Variants in ASCC2 observed in about 807,000 individuals in gnomAD.
ASCC2 encodes the protein activating signal cointegrator 1 complex subunit 2, also known as ASC-1 complex subunit P100.
ASCC2 carries 42 observed loss-of-function variants against 93.5 expected under a neutral mutation model. The observed-to-expected ratio is 0.45, with a 90% CI of 0.35 to 0.58. ASCC2 has a LOEUF of 0.58. Among genes scored for constraint, ASCC2 ranks in the 20% least tolerant of loss-of-function variants. The pLI, the probability that ASCC2 is intolerant of heterozygous loss-of-function variation, is 0.00. For synonymous variants in ASCC2, 364 were observed against 384.2 expected, an observed-to-expected ratio of 0.95 and a Z score of 0.62; for missense variants, 859 against 977.6, an observed-to-expected ratio of 0.88 and a Z score of 1.62.
chr22:29,824,260 A>G (rs2061995611), intron 4 of ASCC2, among the ~76,000 whole-genome samples: 1 of 123,246 alleles, frequency 8.1e-6, no homozygotes, highest in South Asian at 2.2e-4. Context: ...ATACACACAC[A>G]CACACACACA....
chr22:29,804,969 C>A, intron 12 of ASCC2, 139 bp from the exon 13 acceptor site: 1 of 855,310 alleles, frequency 1.2e-6, no homozygotes, highest in South Asian at 1.7e-5. Flanking sequence ...AGCCCACGGG[C>A]ACCTGGGCTG....
At chr22:29,797,619 A>T (rs2058593079) in intron 15 of ASCC2, among the ~76,000 whole-genome samples, 1 of 152,214 alleles carries the variant, frequency 6.6e-6, no homozygotes, top group African/African-American at 2.4e-5. Flanking sequence ...TGTGAGAAAG[A>T]AATGACATGT....
chr22:29,817,322 A>T (rs867650614), intron 5 of ASCC2, among the ~76,000 whole-genome samples: 1 of 151,886 alleles, frequency 6.6e-6, no homozygotes, highest in African/African-American at 2.4e-5. Flanking sequence ...CCTAAAAAAA[A>T]CCCTCAAGAT....
intron 15 of ASCC2, among the ~76,000 whole-genome samples, chr22:29,795,906 T>C (rs1253155465): frequency 4.0e-5 from 6 of 151,714 alleles, no homozygotes; most frequent in Non-Finnish European, 7.4e-5. Flanking sequence ...GTCTCTGGAA[T>C]GTATCAAGGG....
intron 8 of ASCC2, among the ~76,000 whole-genome samples, 187 bp downstream of exon 8, chr22:29,813,243 T>G (rs1166907360): frequency 2.0e-5 from 3 of 151,568 alleles, no homozygotes; most frequent in Non-Finnish European, 2.9e-5. Context: ...AAAACAGGAG[T>G]GCTTCTAAAA....
At chr22:29,791,525 C>T (rs890791985) in intron 18 of ASCC2, among the ~76,000 whole-genome samples, 10 of 151,752 alleles carry the variant, frequency 6.6e-5, no homozygotes, top group Admixed American at 2.6e-4. Context: ...ACTGAAAATA[C>T]AAAAAATTAG....
At chr22:29,804,090 C>T (rs755574119) in intron 13 of ASCC2, among the ~76,000 whole-genome samples, 1 of 152,372 alleles carries the variant, frequency 6.6e-6, no homozygotes, top group South Asian at 2.1e-4. Context: ...GTCTTCATCT[C>T]TCTTATCATG....
intron 1 of ASCC2, chr22:29,834,459 G>C: frequency 2.1e-6 from 1 of 470,410 alleles, no homozygotes; most frequent in Non-Finnish European, 4.4e-6. Flanking sequence ...GGAGTAATAA[G>C]AGAGGACCAG....
At chr22:29,814,628 A>G (rs373021329) in intron 7 of ASCC2, 29 bp downstream of exon 7, 1 of 1,559,072 alleles carries the variant, frequency 6.4e-7, no homozygotes, top group Non-Finnish European at 8.7e-7. Flanking sequence ...ACCCGGCAGG[A>G]AAGAGACTGG....
chr22:29,824,240 T>A (rs1031989989), intron 4 of ASCC2, among the ~76,000 whole-genome samples: 2 of 123,366 alleles, frequency 1.6e-5, no homozygotes, highest in African/African-American at 3.1e-5. Flanking sequence ...AAAAAGATCC[T>A]ATTTTTTAAA....
intron 4 of ASCC2, among the ~76,000 whole-genome samples, chr22:29,823,927 G>C (rs1473313951): frequency 6.6e-6 from 1 of 151,596 alleles, no homozygotes; most frequent in African/African-American, 2.4e-5. Flanking sequence ...GTGGTGGCTA[G>C]TGCCTATAAT....
In ASCC2 at chr22:29,788,828, G is replaced by A; in HGVS notation, c.*185C>T. On this transcript the variant is annotated 3_prime_UTR_variant, in exon 20 of 20. Transcript: ENST00000307790. ...CTTCGGCTGTGGCATAAGGCACTGT[G>A]TGTTCTGCAGGAAGGCGCTCATGGC... 2 of 672,132 alleles carry A rather than the reference G, an allele frequency of 3.0e-6. No individual in the cohort carries two copies. The highest frequency in any genetic ancestry group is 1.9e-5 in the South Asian group (1 of 54,052). The allele number at this position is 672,132 out of a possible 1,614,324, so 41.6% of individuals were successfully genotyped here. A position where few individuals can be genotyped will look rare whatever the true frequency, so the allele number is the denominator to read the frequency against.
intron 4 of ASCC2, 127 bp downstream of exon 4, chr22:29,824,960 G>T: frequency 1.1e-6 from 1 of 948,752 alleles, no homozygotes; most frequent in Non-Finnish European, 1.5e-6. Flanking sequence ...CCAACAGTGG[G>T]AATAAAGATG....
chr22:29,808,240 A>G (rs1287753725), intron 8 of ASCC2, 55 bp from the exon 9 acceptor site: 1 of 1,561,024 alleles, frequency 6.4e-7, no homozygotes, highest in Non-Finnish European at 8.8e-7. Flanking sequence ...ACCACACTTC[A>G]TAAGAACATC....
At chr22:29,827,657 G>A (rs948464786) in intron 2 of ASCC2, 95 of 466,580 alleles carry the variant, frequency 2.0e-4, no homozygotes, top group Non-Finnish European at 3.9e-4. Flanking sequence ...GTCAGGAGCC[G>A]AAATACATCT....
rs891606944 is a variant in ASCC2, at chr22:29,804,938, T to A, written c.1161-108A>T. 4 of 1,270,518 alleles carry A rather than the reference T, an allele frequency of 3.1e-6. No individual in the cohort carries two copies. In the African/African-American group the frequency reaches 4.4e-5, roughly 14 times the overall value. The allele number at this position is 1,270,518 out of a possible 1,614,324, so 78.7% of individuals were successfully genotyped here. A position where few individuals can be genotyped will look rare whatever the true frequency, so the allele number is the denominator to read the frequency against. ...CACATGGTTCCTGCCAGGGGCTTTC[T>A]GGGCTATATCTAAGTGGTATAGCCC... On this transcript the variant is annotated intron_variant, in intron 12 of 19. Coordinates refer to ENST00000307790, the MANE Select transcript of ASCC2 (RefSeq NM_032204.5).
chr22:29,800,982 T>C lies in ASCC2; in HGVS notation c.1688+9A>G, dbSNP rs752730926. The C allele has an allele frequency of 2.5e-6, 4 of 1,581,448 alleles. No individual in the cohort carries two copies. Among genetic ancestry groups the C allele is most frequent in the Non-Finnish European group, 2.6e-6 (3 of 1,155,316 alleles). On this transcript the variant is annotated intron_variant, in intron 15 of 19. Coordinates refer to ENST00000307790, the MANE Select transcript of ASCC2 (RefSeq NM_032204.5). ...GGGGTATCGGAACCCCATGGCCCAC[T>C]GCACTCACCTCTTGCCCTTGTGCAC... is the stretch of plus-strand genomic sequence containing the variant.
intron 5 of ASCC2, among the ~76,000 whole-genome samples, chr22:29,820,329 A>G (rs564294318): frequency 1.3e-5 from 2 of 151,810 alleles, no homozygotes; most frequent in African/African-American, 4.8e-5. Flanking sequence ...CACCTGGCTA[A>G]TTTTTTGTAT....
intron 4 of ASCC2, among the ~76,000 whole-genome samples, 171 bp downstream of exon 4, chr22:29,824,916 T>A (rs548500360): frequency 6.6e-6 from 1 of 152,190 alleles, no homozygotes; most frequent in East Asian, 1.9e-4. Flanking sequence ...ACCCAGTGAA[T>A]TAGAGGATAA....
Sources: gnomAD v4.1 joint callset for allele counts (sites outside exome capture counted in the v4.1 genomes callset) on GRCh38, gnomAD v4.1.1 for gene constraint, MANE v1.5 for transcripts, NCBI Gene and HGNC (gene_info 2026-07-23, HGNC 2026-07-21) for gene names.